Variants in CELF1 observed in about 807,000 individuals in gnomAD.
CELF1 encodes the protein 50 kDa nuclear polyadenylated RNA-binding protein.
Under a neutral mutation model 61.8 loss-of-function variants are expected in CELF1, and 10 were observed. The ratio of observed to expected loss-of-function variants is 0.16; its 90% CI spans 0.10 to 0.27. The LOEUF (loss-of-function observed/expected upper bound fraction) is 0.27. Ranked by LOEUF, CELF1 falls within the 10% of genes least tolerant of loss-of-function variation. The pLI, the probability that CELF1 is intolerant of heterozygous loss-of-function variation, is 1.00. For missense variants in CELF1, 380 were observed against 639.1 expected (o/e 0.59, Z 4.37); for synonymous variants, 236 against 225.1 (o/e 1.05, Z -0.43).
upstream of CELF1, among the ~76,000 whole-genome samples, chr11:47,555,857 A>C (rs2097204341): frequency 6.6e-6 from 1 of 152,088 alleles, no homozygotes; most frequent in Non-Finnish European, 1.5e-5. Context: ...AACGTTAGCC[A>C]GGCATGATGG....
intron 7 of CELF1, 81 bp from the exon 8 acceptor site, chr11:47,483,613 T>TTA: frequency 1.9e-6 from 2 of 1,031,000 alleles, no homozygotes; most frequent in Non-Finnish European, 3.0e-6. Flanking sequence ...ATGTGCTGAC[T>TTA]ATCATGCTAG....
chr11:47,565,425 C>A, exon 1 of CELF1: 1 of 381,434 alleles, frequency 2.6e-6, no homozygotes, highest in Non-Finnish European at 4.3e-6. Context: ...AAACCTCGGT[C>A]CCTCCTCCGA....
At chr11:47,565,017 C>G (rs1015818829) in intron 1 of CELF1, among the ~76,000 whole-genome samples, 1 of 152,104 alleles carries the variant, frequency 6.6e-6, no homozygotes, top group African/African-American at 2.4e-5. Flanking sequence ...GCGACCTCAA[C>G]CCAGGACCCC....
At chr11:47,487,393 T>C in intron 4 of CELF1, 152 bp from the exon 5 acceptor site, 1 of 597,084 alleles carries the variant, frequency 1.7e-6, no homozygotes, top group Non-Finnish European at 2.9e-6. Flanking sequence ...ACGAATAGAA[T>C]ATCTAGCAGA....
chr11:47,547,680 A>G (rs940228677), intron 1 of CELF1, among the ~76,000 whole-genome samples: 6 of 149,486 alleles, frequency 4.0e-5, no homozygotes, highest in East Asian at 1.9e-4. Context: ...AAAAAAAAAA[A>G]AAAGAAAAAA....
chr11:47,518,540 T>C (rs1327535122), intron 1 of CELF1, among the ~76,000 whole-genome samples: 2 of 152,246 alleles, frequency 1.3e-5, no homozygotes, highest in African/African-American at 2.4e-5. Context: ...GTATCTTACT[T>C]GAAGGCTCTA....
chr11:47,483,562 A>G lies in CELF1; in HGVS notation c.527-30T>C, dbSNP rs765147759. The G allele has an allele frequency of 3.0e-5, 46 of 1,538,326 alleles. 2 individuals are homozygous for G. In the Admixed American group the frequency reaches 6.2e-4, roughly 21 times the overall value. On this transcript the variant is annotated intron_variant, in intron 7 of 14. Transcript: ENST00000687097. Reference sequence around the variant, plus strand: ...TAAGAGAAGAGTCAGTAACTCATGCATTCATTTATTTCTCTGACAAACATT... The same window carrying G: ...TAAGAGAAGAGTCAGTAACTCATGCGTTCATTTATTTCTCTGACAAACATT...
chr11:47,500,213 A>G (rs1485039740), intron 2 of CELF1, among the ~76,000 whole-genome samples: 1 of 151,172 alleles, frequency 6.6e-6, no homozygotes, highest in South Asian at 2.1e-4. Flanking sequence ...TTTTTTCTTG[A>G]TATTTTCAAA....
chr11:47,521,157 C>A (rs897321409), intron 1 of CELF1, among the ~76,000 whole-genome samples: 31 of 151,856 alleles, frequency 2.0e-4, no homozygotes, highest in Non-Finnish European at 3.8e-4. Flanking sequence ...GAGGCTGAGG[C>A]AGGAGAATGG....
At chr11:47,473,673 G>A (rs1444184395) in intron 13 of CELF1, among the ~76,000 whole-genome samples, 1 of 152,168 alleles carries the variant, frequency 6.6e-6, no homozygotes, top group Non-Finnish European at 1.5e-5. Flanking sequence ...ACTACAAAGG[G>A]GCACGAGGGA....
intron 1 of CELF1, among the ~76,000 whole-genome samples, chr11:47,551,786 G>C (rs1260700657): frequency 6.6e-6 from 1 of 152,166 alleles, no homozygotes; most frequent in Non-Finnish European, 1.5e-5. Flanking sequence ...GGTCGAGGCG[G>C]GTGGATCACC....
At chr11:47,476,388 T>A (rs1303251839) in intron 12 of CELF1, among the ~76,000 whole-genome samples, 1 of 152,190 alleles carries the variant, frequency 6.6e-6, no homozygotes, top group Non-Finnish European at 1.5e-5. Context: ...TATAGCTAGC[T>A]AACGGACACA....
At chr11:47,535,078 CCAGA>C (rs1420738754) in intron 1 of CELF1, among the ~76,000 whole-genome samples, 2 of 152,002 alleles carry the variant, frequency 1.3e-5, no homozygotes, top group African/African-American at 4.8e-5. Flanking sequence ...CAAACTTATA[CCAGA>C]CAAATGAACA....
chr11:47,495,976 T>C (rs772978383), intron 3 of CELF1: 21 of 985,320 alleles, frequency 2.1e-5, no homozygotes, highest in Non-Finnish European at 2.4e-5. Context: ...GCAAAAATAC[T>C]TGTTGCATTC....
intron 1 of CELF1, among the ~76,000 whole-genome samples, chr11:47,522,607 CACCTGAGGTCAGGAGTTCG>C (rs2095990659): frequency 1.3e-5 from 2 of 151,862 alleles, no homozygotes; most frequent in South Asian, 4.2e-4. Flanking sequence ...GTGGGTGGAT[CACCTGAGGTCAGGAGTTCG>C]AGACCAGCCT....
intron 8 of CELF1, 138 bp downstream of exon 8, chr11:47,483,315 A>G (rs998260061): frequency 1.4e-6 from 1 of 690,414 alleles, no homozygotes; most frequent in African/African-American, 1.8e-5. Context: ...TAAAGAAATC[A>G]GTGGTTTTTA....
intron 1 of CELF1, among the ~76,000 whole-genome samples, chr11:47,547,763 A>G (rs911982085): frequency 2.0e-5 from 3 of 152,158 alleles, no homozygotes; most frequent in Non-Finnish European, 4.4e-5. Context: ...TAAGTGAAAT[A>G]AGCCAGACAC....
intron 1 of CELF1, among the ~76,000 whole-genome samples, chr11:47,510,194 G>GT (rs1251037598): frequency 2.6e-5 from 4 of 152,308 alleles, no homozygotes; most frequent in African/African-American, 7.2e-5. Flanking sequence ...CTCATAAGAA[G>GT]TTTTTTAACT....
At chr11:47,502,302 A>C (rs1210481825) in intron 1 of CELF1, among the ~76,000 whole-genome samples, 1 of 152,214 alleles carries the variant, frequency 6.6e-6, no homozygotes, top group Non-Finnish European at 1.5e-5. Context: ...ACTTCTTCTC[A>C]GGCAGGTCAC....
Sources: gnomAD v4.1 joint callset for allele counts (sites outside exome capture counted in the v4.1 genomes callset) on GRCh38, gnomAD v4.1.1 for gene constraint, MANE v1.5 for transcripts, NCBI Gene and HGNC (gene_info 2026-07-23, HGNC 2026-07-21) for gene names.